Variants in UBE3D observed in about 807,000 individuals in gnomAD.
UBE3D encodes ubiquitin protein ligase E3D, also known as E3 ubiquitin-protein ligase E3D.
Under a neutral mutation model 49.6 loss-of-function variants are expected in UBE3D, and 48 were observed. The ratio of observed to expected loss-of-function variants is 0.97; its 90% CI spans 0.77 to 1.23. UBE3D has a LOEUF of 1.23. Ranked by LOEUF, UBE3D falls within the 50% of genes most tolerant of loss-of-function variation. The probability of loss-of-function intolerance (pLI) is 0.00; values close to 1 mark genes in which losing one functional copy is unlikely to be tolerated. For missense variants in UBE3D, 452 were observed against 468.4 expected, an observed-to-expected ratio of 0.96 and a Z score of 0.32; for synonymous variants, 189 against 174.2, an observed-to-expected ratio of 1.08 and a Z score of -0.67.
At chr6:82,959,826 C>A (rs1302593608) in intron 8 of UBE3D, among the ~76,000 whole-genome samples, 1 of 151,652 alleles carries the variant, frequency 6.6e-6, no homozygotes, top group Non-Finnish European at 1.5e-5. Flanking sequence ...TGCCAGTCCA[C>A]ACCCCTTCAA....
downstream of UBE3D, among the ~76,000 whole-genome samples, chr6:82,891,434 T>C (rs1470653714): frequency 6.6e-6 from 1 of 152,192 alleles, no homozygotes; most frequent in East Asian, 1.9e-4. Context: ...ATCTAAAGCA[T>C]GGAAAGTCAG....
chr6:83,054,399 C>A (rs1783677281), intron 2 of UBE3D, among the ~76,000 whole-genome samples, 161 bp from the exon 3 acceptor site: 1 of 151,958 alleles, frequency 6.6e-6, no homozygotes, highest in Non-Finnish European at 1.5e-5. Context: ...CAAGCAGAAG[C>A]AAATATTGTG....
At chr6:82,921,396 GT>G (rs1773325844) in intron 9 of UBE3D, among the ~76,000 whole-genome samples, 1 of 152,164 alleles carries the variant, frequency 6.6e-6, no homozygotes, top group African/African-American at 2.4e-5. Flanking sequence ...ATCCTGGAAG[GT>G]CTAGACTTGT....
rs757874696 is a variant in UBE3D at position 83,057,848 on chromosome 6, C to T, written c.252G>A (p.Gln84=). Residue 84 remains glutamine, a synonymous_variant, in exon 2 of 10, where the codon CAG becomes CAA. Transcript: ENST00000369747. ...CACTTGTGCCTAATTTTGCTTGCGT[C>T]TGCAGTCGCAGGTGCAGTCCATCTC... ...VVGDGLHLRL[Q]TQAKLGTKLI... is the part of the protein sequence containing the mutation. 5.6e-6 allele frequency: 9 copies of T among 1,614,142 alleles called. No homozygotes were observed. In the Admixed American group the frequency reaches 1.0e-4, roughly 18 times the overall value.
chr6:82,943,572 G>A (rs1384013291), intron 9 of UBE3D, among the ~76,000 whole-genome samples: 1 of 152,030 alleles, frequency 6.6e-6, no homozygotes, highest in Non-Finnish European at 1.5e-5. Context: ...GAAGGTGGAG[G>A]TTGCAGTGAG....
chr6:82,887,934 T>C (rs1014899169), downstream of UBE3D, among the ~76,000 whole-genome samples: 1 of 152,116 alleles, frequency 6.6e-6, no homozygotes, highest in African/African-American at 2.4e-5. Flanking sequence ...CTGGCTCTTC[T>C]TCCTAGAAAT....
At chr6:83,052,726 T>C (rs1783553795) in intron 3 of UBE3D, among the ~76,000 whole-genome samples, 1 of 152,030 alleles carries the variant, frequency 6.6e-6, no homozygotes. Flanking sequence ...GGTAAACTCA[T>C]AAAGGTCCTA....
At chr6:83,006,575 G>A (rs528976471) in intron 8 of UBE3D, among the ~76,000 whole-genome samples, 1 of 152,126 alleles carries the variant, frequency 6.6e-6, no homozygotes, top group Non-Finnish European at 1.5e-5. Context: ...CAGCCCTCAC[G>A]AGAAACCAAC....
At chr6:82,922,880 C>T (rs1773451523) in intron 9 of UBE3D, among the ~76,000 whole-genome samples, 2 of 151,906 alleles carry the variant, frequency 1.3e-5, no homozygotes, top group Non-Finnish European at 2.9e-5. Flanking sequence ...GAAACAACCC[C>T]ATCAAAAAAT....
At chr6:82,914,078 A>G (rs1277170310) in intron 9 of UBE3D, among the ~76,000 whole-genome samples, 1 of 152,232 alleles carries the variant, frequency 6.6e-6, no homozygotes, top group Non-Finnish European at 1.5e-5. Context: ...TCCAGCTACT[A>G]GCTGCAGAGC....
chr6:82,982,622 T>C (rs1003903679), intron 8 of UBE3D, among the ~76,000 whole-genome samples: 1 of 152,218 alleles, frequency 6.6e-6, no homozygotes, highest in African/African-American at 2.4e-5. Context: ...ATCTAGAAGC[T>C]TGATCGGGTT....
intron 8 of UBE3D, among the ~76,000 whole-genome samples, chr6:82,996,153 G>A (rs1025171513): frequency 2.0e-5 from 3 of 152,110 alleles, no homozygotes; most frequent in African/African-American, 7.2e-5. Context: ...TTCTAGGGCT[G>A]GGGCTGGGAA....
chr6:82,945,435 T>C (rs1375009741), intron 9 of UBE3D, among the ~76,000 whole-genome samples: 1 of 152,302 alleles, frequency 6.6e-6, no homozygotes, highest in East Asian at 1.9e-4. Flanking sequence ...TCTCCAAGAA[T>C]AACACAATTA....
At chr6:83,052,443 A>C (rs1039150892) in intron 3 of UBE3D, among the ~76,000 whole-genome samples, 13 of 152,192 alleles carry the variant, frequency 8.5e-5, no homozygotes, top group African/African-American at 2.9e-4. Flanking sequence ...GGTTGAGAGA[A>C]GGCTCATAAC....
rs1773883064 is a variant in UBE3D at position 82,927,980 on chromosome 6, T to C, written c.1149+29332A>G. ...TACTATGTTGGTACATACATCATTA[T>C]ATATTTTTTCAAAGTCATAAAATAT... On this transcript the variant is annotated intron_variant, in intron 9 of 9. Transcript: ENST00000369747. Among the ~76,000 whole-genome samples, 8 of 152,182 alleles carry C rather than the reference T, an allele frequency of 5.3e-5. No homozygotes were observed. In the South Asian group the frequency reaches 1.7e-3, roughly 32 times the overall value.
At chr6:83,021,397 A>C (rs1225776354) in intron 7 of UBE3D, among the ~76,000 whole-genome samples, 1 of 152,138 alleles carries the variant, frequency 6.6e-6, no homozygotes, top group African/African-American at 2.4e-5. Context: ...AGTCATAATC[A>C]TGCCATTGCA....
chr6:83,051,820 G>A (rs1582753198), intron 3 of UBE3D, among the ~76,000 whole-genome samples: 1 of 152,320 alleles, frequency 6.6e-6, no homozygotes, highest in East Asian at 1.9e-4. Flanking sequence ...TCACTCTGAG[G>A]ATCCTCCATT....
chr6:83,000,712 TTC>T (rs144122949), intron 8 of UBE3D, among the ~76,000 whole-genome samples: 3,759 of 151,996 alleles, frequency 0.025, 81 homozygotes, highest in South Asian at 0.085. Flanking sequence ...CTATGCCTGT[TTC>T]TCTCTCTCTC....
At chr6:82,955,166 T>A (rs12193270) in intron 9 of UBE3D, among the ~76,000 whole-genome samples, 24,354 of 152,030 alleles carry the variant, frequency 0.16, 1,989 homozygotes, top group South Asian at 0.17. Context: ...TGAAATGACA[T>A]CCTTAAAGGG....
Sources: allele counts gnomAD v4.1 joint callset (sites outside exome capture counted in the v4.1 genomes callset), GRCh38; gene constraint gnomAD v4.1.1; transcripts MANE v1.5; gene names NCBI Gene and HGNC (gene_info 2026-07-23, HGNC 2026-07-21).